The following CDK14 variants were observed in gnomAD, a reference collection of about 807,000 sequenced individuals.
CDK14 encodes cyclin-dependent kinase 14.
A neutral mutation model predicts 60.7 loss-of-function variants in CDK14; 34 were observed. The ratio of observed to expected loss-of-function variants is 0.56; its 90% CI spans 0.43 to 0.75. The LOEUF (loss-of-function observed/expected upper bound fraction) is 0.75. CDK14 is among the 30% of genes least tolerant of loss of function. The probability of loss-of-function intolerance (pLI) is 0.00; values close to 1 mark genes in which losing one functional copy is unlikely to be tolerated. For missense variants in CDK14, 482 were observed against 564.1 expected (o/e 0.85, Z 1.47); for synonymous variants, 197 against 203.7 (o/e 0.97, Z 0.28).
chr7:91,020,474 A>G (rs1460540650), intron 10 of CDK14, among the ~76,000 whole-genome samples: 3 of 152,242 alleles, frequency 2.0e-5, no homozygotes. Context: ...AGTCAGAGAG[A>G]TAGACAGTAA....
At chr7:90,718,477 A>G (rs1363386444) in intron 2 of CDK14, among the ~76,000 whole-genome samples, 1 of 152,104 alleles carries the variant, frequency 6.6e-6, no homozygotes, top group Non-Finnish European at 1.5e-5. Flanking sequence ...GATCTGTATC[A>G]TTTTACAGAT....
At chr7:90,692,557 A>G (rs868598570) in intron 2 of CDK14, 12 of 244,618 alleles carry the variant, frequency 4.9e-5, no homozygotes, top group Middle Eastern at 1.9e-3. Flanking sequence ...TTTACATGCC[A>G]CGTTTGTTTT....
At chr7:90,690,998 G>C (rs1444624848) in intron 2 of CDK14, among the ~76,000 whole-genome samples, 1 of 152,180 alleles carries the variant, frequency 6.6e-6, no homozygotes, top group Admixed American at 6.5e-5. Context: ...TCAGACTTAA[G>C]TCCTCTATTT....
At chr7:90,982,188 T>TAATC (rs1795245802) in intron 9 of CDK14, among the ~76,000 whole-genome samples, 1 of 152,014 alleles carries the variant, frequency 6.6e-6, no homozygotes, top group Non-Finnish European at 1.5e-5. Flanking sequence ...GCTCATAGAG[T>TAATC]AATCCATAAG....
At chr7:90,955,900 G>A in intron 9 of CDK14, 83 bp downstream of exon 9, 1 of 1,512,170 alleles carries the variant, frequency 6.6e-7, no homozygotes, top group Non-Finnish European at 9.0e-7. Flanking sequence ...CTAACAGTTT[G>A]AATGAAGATT....
At chr7:91,126,064 C>A (rs559128490) in intron 14 of CDK14, among the ~76,000 whole-genome samples, 1 of 152,184 alleles carries the variant, frequency 6.6e-6, no homozygotes, top group South Asian at 2.1e-4. Flanking sequence ...TATATTGTAT[C>A]TTTCCTTGGT....
intron 11 of CDK14, among the ~76,000 whole-genome samples, chr7:91,075,047 A>G (rs1035121894): frequency 6.6e-6 from 1 of 152,206 alleles, no homozygotes; most frequent in East Asian, 1.9e-4. Context: ...TTCACAGCCA[A>G]ATTCTACCAG....
At chr7:91,194,533 A>C (rs1454307764) in intron 14 of CDK14, among the ~76,000 whole-genome samples, 1 of 151,310 alleles carries the variant, frequency 6.6e-6, no homozygotes, top group East Asian at 1.9e-4. Flanking sequence ...GAAACAACTA[A>C]ATCACCAGAT....
intron 5 of CDK14, 101 bp downstream of exon 5, chr7:90,790,753 G>A: frequency 1.5e-6 from 1 of 661,520 alleles, no homozygotes; most frequent in Non-Finnish European, 2.6e-6. Flanking sequence ...TAAAATTACA[G>A]GATTGTATCT....
intron 12 of CDK14, among the ~76,000 whole-genome samples, chr7:91,094,180 A>G (rs930393032): frequency 1.3e-5 from 2 of 152,174 alleles, no homozygotes; most frequent in Admixed American, 6.6e-5. Context: ...AAATAAATTT[A>G]CAAAAAAGGA....
At chr7:91,057,881 C>G (rs1002993415) in intron 11 of CDK14, among the ~76,000 whole-genome samples, 1 of 152,066 alleles carries the variant, frequency 6.6e-6, no homozygotes, top group Non-Finnish European at 1.5e-5. Flanking sequence ...ATTGACTTGG[C>G]AATGAGGGCT....
rs1795806315 is a variant in CDK14, at chr7:91,000,450, T to C, written c.1041+16209T>C. On this transcript the variant is annotated intron_variant, in intron 10 of 14. Coordinates refer to ENST00000380050, the MANE Select transcript of CDK14 (RefSeq NM_001287135.2). ...ACTTATTCCAGATTGTTTCCACCAA[T>C]AGCCAGGCCTGACATGCCACACCAT... 2.6e-5 allele frequency among the ~76,000 whole-genome samples: 4 copies of C among 152,330 alleles called. No individual in the cohort carries two copies. The South Asian group carries it at 8.3e-4, about 32-fold the overall frequency.
chr7:91,154,434 A>G (rs1800921047), intron 14 of CDK14, among the ~76,000 whole-genome samples: 1 of 152,156 alleles, frequency 6.6e-6, no homozygotes, highest in African/African-American at 2.4e-5. Flanking sequence ...TATCCTTAAG[A>G]TACACTTTCA....
chr7:90,908,282 A>G (rs577338628), intron 7 of CDK14, among the ~76,000 whole-genome samples: 10 of 152,126 alleles, frequency 6.6e-5, no homozygotes, highest in Non-Finnish European at 1.5e-4. Flanking sequence ...TGGGGTCTGC[A>G]TTTAGTTGTT....
chr7:91,004,431 TACAAGTA>T (rs1795925049), intron 10 of CDK14, among the ~76,000 whole-genome samples: 3 of 152,128 alleles, frequency 2.0e-5, no homozygotes, highest in Non-Finnish European at 4.4e-5. Context: ...TTTGAGGAGG[TACAAGTA>T]ACCAATCTAC....
Position 90,790,568 on chromosome 7 carries a change from C to T in CDK14, c.465-5C>T. 6.2e-7 allele frequency: 1 copy of T among 1,602,622 alleles called. No individual in the cohort carries two copies. The highest frequency in any genetic ancestry group is 8.5e-7 in the Non-Finnish European group (1 of 1,172,076). On this transcript the variant is annotated splice_region_variant and splice_polypyrimidine_tract_variant and intron_variant, in intron 4 of 14. Transcript: ENST00000380050. ...ATGAATTCACTTATCTTTCATTTCT[C>T]ACAGGGTAAATGGGAAGTTGGTAGC...
intron 11 of CDK14, among the ~76,000 whole-genome samples, chr7:91,050,130 G>A (rs538268168): frequency 3.9e-5 from 6 of 152,320 alleles, no homozygotes; most frequent in African/African-American, 7.2e-5. Context: ...CATAGACGAC[G>A]TGGGGCCTTG....
intron 10 of CDK14, among the ~76,000 whole-genome samples, chr7:90,999,778 A>G (rs1489932136): frequency 2.6e-5 from 4 of 152,228 alleles, no homozygotes; most frequent in Non-Finnish European, 4.4e-5. Context: ...CCGTATTATC[A>G]TTCACACAAA....
At chr7:91,047,148 A>G (rs1451084453) in intron 11 of CDK14, among the ~76,000 whole-genome samples, 1 of 152,184 alleles carries the variant, frequency 6.6e-6, no homozygotes, top group African/African-American at 2.4e-5. Flanking sequence ...AATGGAGTGA[A>G]GAACACAGTT....
Sources: allele counts gnomAD v4.1 joint callset (sites outside exome capture counted in the v4.1 genomes callset), GRCh38; gene constraint gnomAD v4.1.1; transcripts MANE v1.5; gene names NCBI Gene and HGNC (gene_info 2026-07-23, HGNC 2026-07-21).